The following APOBEC3D variants were observed in gnomAD, a reference collection of about 807,000 sequenced individuals.
APOBEC3D encodes DNA dC->dU-editing enzyme APOBEC-3D.
In APOBEC3D, 37 loss-of-function variants were observed where a neutral mutation model predicts 45.6. The observed-to-expected ratio is 0.81, with a 90% CI of 0.62 to 1.07. The LOEUF (loss-of-function observed/expected upper bound fraction) is 1.07, where lower values mean the gene tolerates loss of function less well. Ranked by LOEUF, APOBEC3D falls within the 50% of genes least tolerant of loss-of-function variation. The pLI, the probability that APOBEC3D is intolerant of heterozygous loss-of-function variation, is 0.00. For synonymous variants in APOBEC3D, 175 were observed against 180.7 expected, an observed-to-expected ratio of 0.97 and a Z score of 0.25; for missense variants, 496 against 495.3, an observed-to-expected ratio of 1.00 and a Z score of -0.01.
intron 2 of APOBEC3D, among the ~76,000 whole-genome samples, chr22:39,024,432 C>T (rs1191698828): frequency 6.6e-6 from 1 of 152,164 alleles, no homozygotes; most frequent in Non-Finnish European, 1.5e-5. Flanking sequence ...ACACACGAGG[C>T]CATGAACAGG....
chr22:39,025,419 C>T, intron 3 of APOBEC3D, 70 bp downstream of exon 3: 1 of 1,612,674 alleles, frequency 6.2e-7, no homozygotes, highest in Non-Finnish European at 8.5e-7. Context: ...ATCTGCAATG[C>T]CATGGCTGGG....
At chr22:39,028,810 C>G (rs1925931757) in intron 4 of APOBEC3D, among the ~76,000 whole-genome samples, 1 of 152,100 alleles carries the variant, frequency 6.6e-6, no homozygotes, top group Non-Finnish European at 1.5e-5. Flanking sequence ...TGGCATGCAC[C>G]TGTAGTCCCA....
chr22:39,032,118 C>A lies in APOBEC3D; in HGVS notation c.1043-80C>A, dbSNP rs1232649133. On this transcript the variant is annotated intron_variant, in intron 6 of 6. Coordinates refer to ENST00000216099, the MANE Select transcript of APOBEC3D (RefSeq NM_152426.4). ...CCAGCTGCAACTGGCAGCCAGGAGA[C>A]CTGGCTTGGGAGGGGAGGGCCCAGG... 4 of 1,586,406 alleles carry A rather than the reference C, an allele frequency of 2.5e-6. No homozygotes were observed. In the East Asian group the frequency reaches 6.7e-5, roughly 27 times the overall value.
chr22:39,032,536 C>A lies in APOBEC3D; in HGVS notation c.*220C>A. 7.7e-7 allele frequency: 1 copy of A among 1,297,316 alleles called. No individual in the cohort carries two copies. Among genetic ancestry groups the A allele is most frequent in the Non-Finnish European group, 9.8e-7 (1 of 1,023,902 alleles). 80.4% of individuals were successfully genotyped at this position (1,297,316 alleles called of 1,614,324 possible). A position where few individuals can be genotyped will look rare whatever the true frequency, so the allele number is the denominator to read the frequency against. On this transcript the variant is annotated 3_prime_UTR_variant, in exon 7 of 7. Transcript: ENST00000216099. ...CATCCACCTCCCCAGTCCTGTTCCC[C>A]CAGCCTGGGTGCCCCTAACTTGACT...
rs772893975 is a variant in APOBEC3D at position 39,029,428 on chromosome 22, G to A, written c.671G>A (p.Cys224Tyr). Residue 224 changes from cysteine to tyrosine, a missense_variant, in exon 5 of 7, where the codon TGT (cysteine) becomes TAT (tyrosine). By Grantham distance (194) the Cys-to-Tyr change is radical. Transcript: ENST00000216099. ...CACTTTAAAAACCTACTGAAAGCCT[G>A]TGGTCGGAACGAAAGCTGGCTGTGC... ...YFHFKNLLKA[C>Y]GRNESWLCFT... 12 of 1,614,212 alleles carry A rather than the reference G, an allele frequency of 7.4e-6. No homozygotes were observed. Among genetic ancestry groups the A allele is most frequent in the Admixed American group, 1.7e-5 (1 of 60,030 alleles).
intron 5 of APOBEC3D, 82 bp from the exon 6 acceptor site, chr22:39,031,612 C>T: frequency 2.6e-6 from 4 of 1,560,700 alleles, no homozygotes; most frequent in Non-Finnish European, 3.5e-6. Context: ...TCAGGCCTGC[C>T]CTCTTCTCCC....
Position 39,033,200 on chromosome 22 carries a change from G to T in APOBEC3D, c.*884G>T. On this transcript the variant is annotated 3_prime_UTR_variant, in exon 7 of 7. Coordinates refer to ENST00000216099, the MANE Select transcript of APOBEC3D (RefSeq NM_152426.4). ...CCACAGAACTCCAGTTTGAGCAACA[G>T]ATCAAGACCCTGCCTGAAAATAAAT... The T allele has an allele frequency of 4.3e-6, 4 of 937,238 alleles. No homozygotes were observed. The highest frequency in any genetic ancestry group is 5.1e-6 in the Non-Finnish European group (4 of 786,150). The allele number at this position is 937,238 out of a possible 1,614,324, so 58.1% of individuals were successfully genotyped here.
chr22:39,032,571 TC>T lies in APOBEC3D; in HGVS notation c.*259del. 9.6e-7 allele frequency: 1 copy of T among 1,042,924 alleles called. No homozygotes were observed. Among genetic ancestry groups the T allele is most frequent in the Non-Finnish European group, 1.2e-6 (1 of 850,316 alleles). The allele number at this position is 1,042,924 out of a possible 1,614,324, so 64.6% of individuals were successfully genotyped here. The stretch of plus-strand genomic sequence containing the variant: ...TGCCCCTAACTTGACTCTTCCCATC[TC>T]CCCAGCATAACCAAATCTTTTTTTT... On this transcript the variant is annotated 3_prime_UTR_variant, in exon 7 of 7. Transcript: ENST00000216099.
chr22:39,029,956 C>A (rs1445757392), intron 5 of APOBEC3D, among the ~76,000 whole-genome samples: 3 of 152,046 alleles, frequency 2.0e-5, no homozygotes, highest in African/African-American at 7.3e-5. Flanking sequence ...TCCTCCCTAA[C>A]TTTCCTGGGA....
rs754916485 is a variant in APOBEC3D at position 39,025,675 on chromosome 22, A to G, written c.605+4A>G. The stretch of plus-strand genomic sequence containing the variant: ...GCACGCTAAAGGAGATTCTCAGGTG[A>G]GGGTCTCCCTCTGGCCTCATCGTCT... On this transcript the variant is annotated splice_donor_region_variant and intron_variant, in intron 4 of 6. Transcript: ENST00000216099. The G allele has an allele frequency of 9.3e-6, 15 of 1,613,910 alleles. No individual in the cohort carries two copies.
rs1926215890 is a variant in APOBEC3D at position 39,031,585 on chromosome 22, G to A, written c.763-109G>A. On this transcript the variant is annotated intron_variant, in intron 5 of 6. Coordinates refer to ENST00000216099, the MANE Select transcript of APOBEC3D (RefSeq NM_152426.4). Reference sequence around the variant, plus strand: ...CCCTGTCTCAAAAATAAATAAATAAGAAAATGCCCTGGGGCTTCAGGCCTG... The same window carrying A: ...CCCTGTCTCAAAAATAAATAAATAAAAAAATGCCCTGGGGCTTCAGGCCTG... 4.8e-6 allele frequency: 7 copies of A among 1,464,370 alleles called. No homozygotes were observed. In the South Asian group the frequency reaches 6.6e-5, roughly 14 times the overall value. 90.7% of individuals were successfully genotyped at this position (1,464,370 alleles called of 1,614,324 possible).
rs201653331 is a variant in APOBEC3D at position 39,025,641 on chromosome 22, C to G, written c.575C>G (p.Ser192Cys). 1 of 1,614,102 alleles carries G rather than the reference C, an allele frequency of 6.2e-7. No homozygotes were observed. Among genetic ancestry groups the G allele is most frequent in the Non-Finnish European group, 8.5e-7 (1 of 1,179,996 alleles). ...TACAAATTCGATGACAATTATGCAT[C>G]CCTGCACCGCACGCTAAAGGAGATT... Reference protein sequence around the residue: ...PWYKFDDNYASLHRTLKEILR... With the variant: ...PWYKFDDNYACLHRTLKEILR... The change falls in exon 4 of 7, where the codon TCC (serine) becomes TGC (cysteine). Residue 192 changes from serine (S) to cysteine (C), a missense_variant. By Grantham distance (112) the Ser-to-Cys change is moderately radical (BLOSUM62 -1). Transcript: ENST00000216099.
chr22:39,028,088 G>C (rs1322370718), intron 4 of APOBEC3D, among the ~76,000 whole-genome samples: 1 of 152,138 alleles, frequency 6.6e-6, no homozygotes, highest in East Asian at 1.9e-4. Context: ...GTGTGGGGGA[G>C]GAAATGGTCT....
chr22:39,024,703 C>T (rs575480300), intron 2 of APOBEC3D, among the ~76,000 whole-genome samples: 4 of 152,126 alleles, frequency 2.6e-5, no homozygotes, highest in South Asian at 4.2e-4. Flanking sequence ...ACTGGTGCTC[C>T]GTGACATGGG....
chr22:39,029,931 CG>C (rs1184190406), intron 5 of APOBEC3D, among the ~76,000 whole-genome samples: 1 of 152,164 alleles, frequency 6.6e-6, no homozygotes, highest in Non-Finnish European at 1.5e-5. Flanking sequence ...TTTTTTAAGT[CG>C]GTGGCCCAGA....
intron 4 of APOBEC3D, among the ~76,000 whole-genome samples, chr22:39,027,929 T>G (rs372403996): frequency 4.7e-4 from 72 of 152,184 alleles, no homozygotes; most frequent in African/African-American, 1.6e-3. Flanking sequence ...GGGAGGGTGC[T>G]CCCTCTGTGT....
At position 39,032,218 on chromosome 22, in the gene APOBEC3D, A is replaced by T. The variant is rs760201158; in HGVS notation, c.1063A>T (p.Asn355Tyr). The change falls in exon 7 of 7, where the codon AAC (asparagine) becomes TAC (tyrosine). Residue 355 changes from asparagine to tyrosine, a missense_variant. Physicochemically the swap from Asn to Tyr is moderately radical, Grantham distance 143. Transcript: ENST00000216099. ...GYKDFVSCWK[N>Y]FVYSDDEPFK... ...CTCAGATTTTGTATCTTGTTGGAAA[A>T]ACTTTGTGTACAGTGATGATGAGCC... 1 of 1,613,792 alleles carries T rather than the reference A, an allele frequency of 6.2e-7. No homozygotes were observed. The highest frequency in any genetic ancestry group is 1.1e-5 in the South Asian group (1 of 91,066).
chr22:39,032,640 C>G lies in APOBEC3D; in HGVS notation c.*324C>G, dbSNP rs1926343409. The G allele has an allele frequency of 9.8e-7, 1 of 1,021,344 alleles. No individual in the cohort carries two copies. The highest frequency in any genetic ancestry group is 1.2e-6 in the Non-Finnish European group (1 of 849,436). 63.3% of individuals were successfully genotyped at this position (1,021,344 alleles called of 1,614,324 possible). ...ACGGAGTTTCACTCTGTCGCCCAGACTAGAGTGCAATGGCTGGATCTCAGC... is the reference window on the plus strand; with the variant it reads ...ACGGAGTTTCACTCTGTCGCCCAGAGTAGAGTGCAATGGCTGGATCTCAGC... On this transcript the variant is annotated 3_prime_UTR_variant, in exon 7 of 7. Transcript: ENST00000216099.
rs1043301317 is a variant in APOBEC3D at position 39,029,705 on chromosome 22, C to A, written c.762+186C>A. On this transcript the variant is annotated intron_variant, in intron 5 of 6. Transcript: ENST00000216099. The stretch of plus-strand genomic sequence containing the variant: ...CTCTGCCTCCCGGGTTCAAGCGATT[C>A]TCCTGCCTCAGCCTCATGGGTAGCT... Among the ~76,000 whole-genome samples, 67 of 150,966 alleles carry A rather than the reference C, an allele frequency of 4.4e-4. 1 individual carries two copies. Among genetic ancestry groups the A allele is most frequent in the Admixed American group, 3.1e-3 (47 of 15,168 alleles).
Sources: allele counts gnomAD v4.1 joint callset (sites outside exome capture counted in the v4.1 genomes callset), GRCh38; gene constraint gnomAD v4.1.1; transcripts MANE v1.5; gene names NCBI Gene and HGNC (gene_info 2026-07-23, HGNC 2026-07-21).